RIMS1: variants seen among roughly 807,000 people sequenced by gnomAD.
The protein encoded by RIMS1 is regulating synaptic membrane exocytosis 1.
In RIMS1, 83 loss-of-function variants were observed where a neutral mutation model predicts 214.1. That is an observed-to-expected ratio of 0.39 (90% confidence interval 0.32 to 0.47). The LOEUF (loss-of-function observed/expected upper bound fraction) is 0.47. Among genes scored for constraint, RIMS1 ranks in the 20% least tolerant of loss-of-function variants. The pLI is 0.99. For missense variants in RIMS1, 2,050 were observed against 2,161.8 expected, an observed-to-expected ratio of 0.95 and a Z score of 1.03; for synonymous variants, 793 against 786.8, an observed-to-expected ratio of 1.01 and a Z score of -0.13.
chr6:72,321,011 G>T (rs1471372187), intron 28 of RIMS1, among the ~76,000 whole-genome samples: 1 of 151,890 alleles, frequency 6.6e-6, no homozygotes, highest in Non-Finnish European at 1.5e-5. Context: ...CTCTCTTAAA[G>T]CATAGACATG....
chr6:72,019,845 G>A (rs917868284), intron 2 of RIMS1, among the ~76,000 whole-genome samples: 3 of 152,054 alleles, frequency 2.0e-5, no homozygotes, highest in Admixed American at 6.6e-5. Flanking sequence ...CCCCACATAG[G>A]CATGTGAATT....
At chr6:71,966,317 T>C (rs73547321) in intron 1 of RIMS1, among the ~76,000 whole-genome samples, 49 of 152,350 alleles carry the variant, frequency 3.2e-4, no homozygotes, top group African/African-American at 1.1e-3. Flanking sequence ...CTAAATATAT[T>C]GCTTTTGAAT....
intron 6 of RIMS1, among the ~76,000 whole-genome samples, chr6:72,228,728 T>C (rs1408522911): frequency 6.6e-6 from 1 of 151,838 alleles, no homozygotes; most frequent in East Asian, 1.9e-4. Flanking sequence ...TTGAGGAAAG[T>C]TTATACTGTT....
chr6:71,936,926 G>A (rs981128044), intron 1 of RIMS1, among the ~76,000 whole-genome samples: 1 of 151,770 alleles, frequency 6.6e-6, no homozygotes, highest in Non-Finnish European at 1.5e-5. Context: ...AGTCAGGGAA[G>A]ACTAAAGTAT....
chr6:72,146,626 G>A (rs2153892721), intron 4 of RIMS1, among the ~76,000 whole-genome samples: 1 of 152,226 alleles, frequency 6.6e-6, no homozygotes, highest in African/African-American at 2.4e-5. Context: ...TAGTCAATAT[G>A]TTCATACACA....
At chr6:72,025,472 T>C (rs1219292309) in intron 2 of RIMS1, among the ~76,000 whole-genome samples, 1 of 152,216 alleles carries the variant, frequency 6.6e-6, no homozygotes, top group Non-Finnish European at 1.5e-5. Flanking sequence ...TATTTATATA[T>C]TGCTAGATAA....
At chr6:72,087,592 CAGAAAGTGAGCAAGCAAA>C (rs1238205704) in intron 2 of RIMS1, among the ~76,000 whole-genome samples, 2 of 152,192 alleles carry the variant, frequency 1.3e-5, no homozygotes, top group Non-Finnish European at 2.9e-5. Context: ...CTTGGCCCCC[CAGAAAGTGAGCAAGCAAA>C]ATGGCTTGAG....
At chr6:71,951,955 G>C (rs1351017939) in intron 1 of RIMS1, among the ~76,000 whole-genome samples, 2 of 152,118 alleles carry the variant, frequency 1.3e-5, no homozygotes, top group Non-Finnish European at 1.5e-5. Context: ...TTGGACAATT[G>C]AATGTGGATG....
At chr6:72,325,753 G>A (rs2096431426) in intron 28 of RIMS1, among the ~76,000 whole-genome samples, 1 of 151,846 alleles carries the variant, frequency 6.6e-6, no homozygotes, top group South Asian at 2.1e-4. Context: ...AAAAATTACA[G>A]AGATCATTAC....
chr6:72,356,370 A>AG (rs1383256506), intron 29 of RIMS1, among the ~76,000 whole-genome samples: 1 of 152,150 alleles, frequency 6.6e-6, no homozygotes, highest in Non-Finnish European at 1.5e-5. Context: ...CTAATGGCAA[A>AG]GGGAAGTAGT....
intron 2 of RIMS1, among the ~76,000 whole-genome samples, chr6:72,094,129 C>A (rs1440575481): frequency 3.2e-5 from 4 of 124,236 alleles, no homozygotes; most frequent in Non-Finnish European, 7.5e-5. Context: ...GGACTTTTTT[C>A]TCAAAACAGA....
intron 6 of RIMS1, chr6:72,213,226 A>G (rs935053684): frequency 6.5e-6 from 10 of 1,535,140 alleles, no homozygotes; most frequent in Non-Finnish European, 8.7e-6. Context: ...GTTGCTGGTA[A>G]GCAATAGATA....
chr6:72,076,766 C>A (rs950632935), intron 2 of RIMS1, among the ~76,000 whole-genome samples: 10 of 152,106 alleles, frequency 6.6e-5, no homozygotes, highest in Non-Finnish European at 1.3e-4. Flanking sequence ...TTAAAAAAAT[C>A]CTCAGCTTGA....
chr6:72,284,762 A>T (rs771304358), intron 24 of RIMS1, among the ~76,000 whole-genome samples: 1 of 152,152 alleles, frequency 6.6e-6, no homozygotes, highest in African/African-American at 2.4e-5. Context: ...CATTTATCCA[A>T]CAATGACTGA....
In RIMS1 at chr6:72,011,507, C is replaced by T. The variant is rs139486577; in HGVS notation, c.245+42444C>T. Among the ~76,000 whole-genome samples, 921 of 152,236 alleles carry T rather than the reference C, an allele frequency of 6.0e-3. 8 individuals are homozygous for T. Among genetic ancestry groups the T allele is most frequent in the African/African-American group, 0.02 (811 of 41,520 alleles). ...ATCTAATCAAACTAAAGAGCTTCTG[C>T]ACAGCAAAAGAAACTACCATCAGAG... On this transcript the variant is annotated intron_variant, in intron 2 of 33. Transcript: ENST00000521978.
At chr6:72,198,842 C>T (rs767618554) in intron 6 of RIMS1, among the ~76,000 whole-genome samples, 8 of 151,574 alleles carry the variant, frequency 5.3e-5, no homozygotes, top group South Asian at 2.1e-4. Context: ...ATTTTGAAAC[C>T]GCAATTCTGT....
At chr6:72,311,431 G>T (rs1477667609) in intron 27 of RIMS1, among the ~76,000 whole-genome samples, 1 of 152,144 alleles carries the variant, frequency 6.6e-6, no homozygotes, top group Admixed American at 6.6e-5. Context: ...AACTGAATTT[G>T]CTGGTAAACC....
At chr6:71,967,481 A>ATTT (rs1794776117) in intron 1 of RIMS1, among the ~76,000 whole-genome samples, 1 of 152,208 alleles carries the variant, frequency 6.6e-6, no homozygotes, top group African/African-American at 2.4e-5. Context: ...CTTGCTGGAC[A>ATTT]TTTTAGCTTG....
At chr6:72,247,946 G>A in intron 11 of RIMS1, 69 bp from the exon 12 acceptor site, 2 of 952,928 alleles carry the variant, frequency 2.1e-6, no homozygotes, top group Admixed American at 1.7e-5. Flanking sequence ...AATAAAGGAT[G>A]CATTTAACAT....
Sources: gnomAD v4.1 joint callset for allele counts (sites outside exome capture counted in the v4.1 genomes callset) on GRCh38, gnomAD v4.1.1 for gene constraint, MANE v1.5 for transcripts, NCBI Gene and HGNC (gene_info 2026-07-23, HGNC 2026-07-21) for gene names.